Variants in TUBGCP6 observed in about 807,000 individuals in gnomAD.
The protein encoded by TUBGCP6 is tubulin gamma complex component 6, also known as gamma-tubulin complex component 6.
TUBGCP6 carries 161 observed loss-of-function variants against 175.8 expected under a neutral mutation model. The observed-to-expected ratio is 0.92, with a 90% CI of 0.81 to 1.04. The LOEUF (loss-of-function observed/expected upper bound fraction) is 1.04, where lower values mean the gene tolerates loss of function less well. TUBGCP6 is among the 50% of genes least tolerant of loss of function. The pLI is 0.00. For synonymous variants in TUBGCP6, 1,173 were observed against 1,030.5 expected (o/e 1.14, Z -2.65); for missense variants, 2,572 against 2,433.0 (o/e 1.06, Z -1.20).
At chr22:50,233,246 G>C (rs1306870297) in intron 3 of TUBGCP6, 70 bp downstream of exon 3, 2 of 1,545,594 alleles carry the variant, frequency 1.3e-6, no homozygotes, top group Admixed American at 3.7e-5. Context: ...GCCCCATAAA[G>C]GGCTGGGCAC....
rs371418365 is a variant in TUBGCP6 at position 50,222,111 on chromosome 22, C to G, written c.2410-9G>C. The G allele has an allele frequency of 3.1e-6, 5 of 1,613,096 alleles. No individual in the cohort carries two copies. In the African/African-American group the frequency reaches 6.7e-5, roughly 22 times the overall value. On this transcript the variant is annotated splice_polypyrimidine_tract_variant and intron_variant, in intron 14 of 24. Transcript: ENST00000248846. ...ACTGCTTTCAGCATCTCCTGAAATT[C>G]AAGCCAGAGGGGTGACTGGCCAAGC...
In TUBGCP6 at chr22:50,236,263, G is replaced by A. The variant is rs187144559; in HGVS notation, c.906-2737C>T. Among the ~76,000 whole-genome samples, 269 of 152,106 alleles carry A rather than the reference G, an allele frequency of 1.8e-3. 2 individuals carry two copies. Among genetic ancestry groups the A allele is most frequent in the Non-Finnish European group, 1.0e-3 (69 of 67,988 alleles). On this transcript the variant is annotated intron_variant, in intron 2 of 24. Coordinates refer to ENST00000248846, the MANE Select transcript of TUBGCP6 (RefSeq NM_020461.4). ...CCATTCTCCTGCCTCAGCCTCCCGA[G>A]TAGCTGGGACTACAGGCACGGGCCA...
Position 50,220,302 on chromosome 22 carries a change from T to C in TUBGCP6, c.4057A>G (p.Thr1353Ala), listed in dbSNP as rs1000806701. 5 of 1,576,736 alleles carry C rather than the reference T, an allele frequency of 3.2e-6. No homozygotes were observed. Among genetic ancestry groups the C allele is most frequent in the Non-Finnish European group, 4.3e-6 (5 of 1,157,144 alleles). The change falls in exon 16 of 25, where the codon ACC becomes GCC. Residue 1353 changes from threonine (T) to alanine (A), a missense_variant. Transcript: ENST00000248846. ...VGENVSDVAP[T>A]QPWWPNTPGD... ...GGGGTGTTGGGCCACCATGGTTGGGTGGGAGCCACGTCTGACACGTTCTCC... is the reference window on the plus strand; with the variant it reads ...GGGGTGTTGGGCCACCATGGTTGGGCGGGAGCCACGTCTGACACGTTCTCC...
rs538912634 is a variant in TUBGCP6 at position 50,221,568 on chromosome 22, G to A, written c.2791C>T (p.Pro931Ser). The change falls in exon 16 of 25, where the codon CCC (proline) becomes TCC (serine). Residue 931 changes from proline (P) to serine (S), a missense_variant. Coordinates refer to ENST00000248846, the MANE Select transcript of TUBGCP6 (RefSeq NM_020461.4). ...GCGGGTGCCTCCCCAGGAGCTGAGGGGGGCAGGTCCAAGTTAATGGTCTGC... is the reference window on the plus strand; with the variant it reads ...GCGGGTGCCTCCCCAGGAGCTGAGGAGGGCAGGTCCAAGTTAATGGTCTGC... ...ALQTINLDLP[P>S]SAPGEAPAAA... 41 of 1,587,298 alleles carry A rather than the reference G, an allele frequency of 2.6e-5. 2 individuals carry two copies. The South Asian group carries it at 4.4e-4, about 17-fold the overall frequency.
At chr22:50,232,111 T>G (rs189373765) in intron 3 of TUBGCP6, among the ~76,000 whole-genome samples, 1 of 151,758 alleles carries the variant, frequency 6.6e-6, no homozygotes, top group African/African-American at 2.4e-5. Context: ...ATGCCTGTAA[T>G]CCTAGCACTT....
Position 50,221,818 on chromosome 22 carries a change from A to G in TUBGCP6, c.2541T>C (p.Ser847=), listed in dbSNP as rs1202900153. The change falls in exon 16 of 25, where the codon TCT becomes TCC. Residue 847 remains serine (S), a synonymous_variant. Transcript: ENST00000248846. ...CCCAGGCAGGCGAGTGTTGCTCTGC[A>G]GACCCAGAATCACAGCCTTGGCCTC... ...PEGGQGCDSG[S]AEQHSPAWDG... is the part of the protein sequence containing the mutation. 6.6e-7 allele frequency: 1 copy of G among 1,511,498 alleles called. No individual in the cohort carries two copies. Among genetic ancestry groups the G allele is most frequent in the Non-Finnish European group, 8.8e-7 (1 of 1,130,172 alleles). The allele number at this position is 1,511,498 out of a possible 1,614,324, so 93.6% of individuals were successfully genotyped here. A position where few individuals can be genotyped will look rare whatever the true frequency, so the allele number is the denominator to read the frequency against.
rs2064543486 is a variant in TUBGCP6, at chr22:50,222,431, G to A, written c.2409+23C>T. On this transcript the variant is annotated intron_variant, in intron 14 of 24. Transcript: ENST00000248846. The stretch of plus-strand genomic sequence containing the variant: ...ACCCCCAAAGCCCAGGGGAAGAGCT[G>A]CCATCTGAAGCCGCAGACATACCTG... The A allele has an allele frequency of 2.5e-6, 4 of 1,612,522 alleles. No individual in the cohort carries two copies. The African/African-American group carries it at 4.0e-5, about 16-fold the overall frequency.
intron 4 of TUBGCP6, 138 bp downstream of exon 4, chr22:50,229,266 A>G: frequency 1.0e-6 from 1 of 954,250 alleles, no homozygotes; most frequent in Non-Finnish European, 1.6e-6. Flanking sequence ...AAGAGCCACT[A>G]TCGGGTTTCA....
Position 50,221,162 on chromosome 22 carries a change from T to G in TUBGCP6, c.3197A>C (p.Asn1066Thr), listed in dbSNP as rs1183538755. The G allele has an allele frequency of 2.5e-6, 4 of 1,605,798 alleles. No individual in the cohort carries two copies. Among genetic ancestry groups the G allele is most frequent in the Non-Finnish European group, 3.4e-6 (4 of 1,174,346 alleles). The change falls in exon 16 of 25, where the codon AAT becomes ACT. Residue 1066 changes from asparagine (N) to threonine (T), a missense_variant. Physicochemically the swap from Asn to Thr is moderately conservative, Grantham distance 65. Coordinates refer to ENST00000248846, the MANE Select transcript of TUBGCP6 (RefSeq NM_020461.4). ...VSDASIRVGE[N>T]VSDVAPTQPR... ...CTGGGTGGGAGCCACATCTGACACATTCTCCCCGACCCTGATGCTGGCGTC... is the reference window on the plus strand; with the variant it reads ...CTGGGTGGGAGCCACATCTGACACAGTCTCCCCGACCCTGATGCTGGCGTC...
intron 3 of TUBGCP6, among the ~76,000 whole-genome samples, chr22:50,231,955 T>C (rs1401179417): frequency 6.6e-6 from 1 of 151,896 alleles, no homozygotes; most frequent in Non-Finnish European, 1.5e-5. Flanking sequence ...GCGTGGCGGC[T>C]CACACTTGCA....
chr22:50,229,190 C>G (rs149088280), intron 4 of TUBGCP6, among the ~76,000 whole-genome samples: 184 of 152,300 alleles, frequency 1.2e-3, no homozygotes, highest in Middle Eastern at 3.4e-3. Context: ...CCCACACAGC[C>G]CAGGGCCCAC....
At chr22:50,225,475 T>C (rs995735139) in intron 10 of TUBGCP6, among the ~76,000 whole-genome samples, 9 of 150,530 alleles carry the variant, frequency 6.0e-5, no homozygotes, top group East Asian at 3.9e-4. Flanking sequence ...CCCAACGGAG[T>C]TTCCCACGCC....
rs760094171 is a variant in TUBGCP6, at chr22:50,218,800, G to C, written c.4724C>G (p.Pro1575Arg). Residue 1575 changes from proline to arginine, a missense_variant, in exon 21 of 25, where the codon CCG (proline) becomes CGG (arginine). Physicochemically the swap from Pro to Arg is moderately radical, Grantham distance 103. Coordinates refer to ENST00000248846, the MANE Select transcript of TUBGCP6 (RefSeq NM_020461.4). ...ALQCSLHGDT[P>R]HASNLSLALK... ...AGCGAGGGAGAGGTTGGAGGCGTGCGGGGTGTCCCCATGCAGGCTGCACTG... is the reference window on the plus strand; with the variant it reads ...AGCGAGGGAGAGGTTGGAGGCGTGCCGGGTGTCCCCATGCAGGCTGCACTG... 7 of 1,613,994 alleles carry C rather than the reference G, an allele frequency of 4.3e-6. No homozygotes were observed. In the African/African-American group the frequency reaches 6.7e-5, roughly 15 times the overall value.
chr22:50,221,498 C>T lies in TUBGCP6; in HGVS notation c.2861G>A (p.Ser954Asn). The T allele has an allele frequency of 5.0e-6, 8 of 1,587,502 alleles. No homozygotes were observed. Among genetic ancestry groups the T allele is most frequent in the Non-Finnish European group, 6.9e-6 (8 of 1,167,500 alleles). Residue 954 changes from serine to asparagine, a missense_variant, in exon 16 of 25, where the codon AGT becomes AAT. Ser to Asn is a conservative substitution (Grantham distance 46). Transcript: ENST00000248846. ...QPSRPQEYDFSTVLRPAVATS... is the reference protein window; with the variant it reads ...QPSRPQEYDFNTVLRPAVATS... ...GGCCACAGCTGGCCTCAGGACAGTA[C>T]TAAAGTCGTACTCCTGTGGCCTGGA...
In TUBGCP6 at chr22:50,225,912, G is replaced by C; in HGVS notation, c.1865C>G (p.Pro622Arg). The change falls in exon 10 of 25, where the codon CCC becomes CGC. Residue 622 changes from proline to arginine, a missense_variant. By Grantham distance (103) the Pro-to-Arg change is moderately radical. Coordinates refer to ENST00000248846, the MANE Select transcript of TUBGCP6 (RefSeq NM_020461.4). ...HYLCWSDVPV[P>R]RISVIFSLEE... ...AAGGGAGAAAATCACCGAGATCCGG[G>C]GGACAGGGACGTCGGACCAACAGAG... is the stretch of plus-strand genomic sequence containing the variant. 1 of 1,613,824 alleles carries C rather than the reference G, an allele frequency of 6.2e-7. No individual in the cohort carries two copies. The highest frequency in any genetic ancestry group is 8.5e-7 in the Non-Finnish European group (1 of 1,179,974).
At position 50,226,112 on chromosome 22, in the gene TUBGCP6, T is replaced by C. The variant is rs777024069; in HGVS notation, c.1771A>G (p.Ile591Val). Residue 591 changes from isoleucine to valine, a missense_variant, in exon 9 of 25, where the codon ATT (isoleucine) becomes GTT (valine). Ile to Val is a conservative substitution (Grantham distance 29). Transcript: ENST00000248846. Reference sequence around the variant, plus strand: ...CCGCAGACGTATATGTCGTGGGCAATGTGCTTCAGAAACACGGGAACACAG... The same window carrying C: ...CCGCAGACGTATATGTCGTGGGCAACGTGCTTCAGAAACACGGGAACACAG... ...EDCVPVFLKH[I>V]AHDIYVCGKT... 4.3e-6 allele frequency: 7 copies of C among 1,614,046 alleles called. No individual in the cohort carries two copies. In the East Asian group the frequency reaches 8.9e-5, roughly 21 times the overall value.
intron 3 of TUBGCP6, 101 bp downstream of exon 3, chr22:50,233,215 C>T: frequency 2.9e-6 from 4 of 1,377,028 alleles, no homozygotes; most frequent in Non-Finnish European, 4.0e-6. Context: ...ACTCCCCACT[C>T]CCTGCACTGG....
At chr22:50,234,574 C>CCCACACCCCCGTCCACGGCAGCATCAT (rs2064742346) in intron 2 of TUBGCP6, among the ~76,000 whole-genome samples, 1 of 131,952 alleles carries the variant, frequency 7.6e-6, no homozygotes, top group East Asian at 2.5e-4. Context: ...GGCAGCATCG[C>CCCACACCCCCGTCCACGGCAGCATCAT]CCACACCCCC....
Position 50,226,378 on chromosome 22 carries a change from C to G in TUBGCP6, c.1602G>C (p.Arg534=). 6.2e-7 allele frequency: 1 copy of G among 1,603,498 alleles called. No homozygotes were observed. Among genetic ancestry groups the G allele is most frequent in the Non-Finnish European group, 8.5e-7 (1 of 1,174,856 alleles). ...LLKTSCEPYT[R]FIHDWVYSGV... is the part of the protein sequence containing the mutation. ...CGCTGTACACCCAGTCGTGGATGAA[C>G]CTGCAGTGGGGGAAAAGCAGGGGTA... The change falls in exon 8 of 25, where the codon CGG becomes CGC. Residue 534 remains arginine, a splice_region_variant and synonymous_variant. Coordinates refer to ENST00000248846, the MANE Select transcript of TUBGCP6 (RefSeq NM_020461.4).
Sources: allele counts gnomAD v4.1 joint callset (sites outside exome capture counted in the v4.1 genomes callset), GRCh38; gene constraint gnomAD v4.1.1; transcripts MANE v1.5; gene names NCBI Gene and HGNC (gene_info 2026-07-23, HGNC 2026-07-21).